Variants in BTNL9 observed in about 807,000 individuals in gnomAD.
BTNL9 encodes butyrophilin like 9.
A neutral mutation model predicts 45.8 loss-of-function variants in BTNL9; 45 were observed. The ratio of observed to expected loss-of-function variants is 0.98; its 90% CI spans 0.77 to 1.26. The LOEUF is 1.26. Ranked by LOEUF, BTNL9 falls within the 50% of genes most tolerant of loss-of-function variation. The probability of loss-of-function intolerance (pLI) is 0.00; values close to 1 mark genes in which losing one functional copy is unlikely to be tolerated. For missense variants in BTNL9, 784 were observed against 729.7 expected, an observed-to-expected ratio of 1.07 and a Z score of -0.86; for synonymous variants, 346 against 330.8, an observed-to-expected ratio of 1.05 and a Z score of -0.50.
intron 7 of BTNL9, 126 bp downstream of exon 7, chr5:181,054,385 T>A: frequency 6.6e-7 from 1 of 1,526,188 alleles, no homozygotes. Flanking sequence ...CCTGTGAGCC[T>A]CCACCTCTTC....
At chr5:181,048,338 G>C in intron 3 of BTNL9, 67 bp downstream of exon 3, 1 of 1,368,088 alleles carries the variant, frequency 7.3e-7, no homozygotes, top group South Asian at 1.3e-5. Context: ...AGTAGAGGTG[G>C]AGTCACAGAG....
In BTNL9 at chr5:181,048,272, G is replaced by A. The variant is rs771087135; in HGVS notation, c.454+1G>A. On this transcript the variant is annotated splice_donor_variant, in intron 3 of 10. Transcript: ENST00000327705. LOFTEE classifies it high-confidence loss of function. ...GCTCTCTGGGAACTGGAGGTAGCAG[G>A]TGCGTGGACTGACCTAAGGCCCTGC... 11 of 1,606,506 alleles carry A rather than the reference G, an allele frequency of 6.8e-6. No individual in the cohort carries two copies. Among genetic ancestry groups the A allele is most frequent in the Middle Eastern group, 1.7e-4 (1 of 6,046 alleles).
rs751806521 is a variant in BTNL9, at chr5:181,059,205, C to A, written c.983-32C>A. The A allele has an allele frequency of 2.0e-6, 3 of 1,487,596 alleles. 1 individual carries two copies. Among genetic ancestry groups the A allele is most frequent in the Middle Eastern group, 4.4e-4 (2 of 4,528 alleles). The allele number at this position is 1,487,596 out of a possible 1,614,324, so 92.1% of individuals were successfully genotyped here. ...GACACGGACGGGGCCCAGACCGTCC[C>A]GGGCGGGCACTAACGCTGTGGCTCT... On this transcript the variant is annotated intron_variant, in intron 10 of 10. Coordinates refer to ENST00000327705, the MANE Select transcript of BTNL9 (RefSeq NM_152547.5).
chr5:181,054,735 T>G, intron 7 of BTNL9: 1 of 983,884 alleles, frequency 1.0e-6, no homozygotes, highest in Non-Finnish European at 1.2e-6. Flanking sequence ...GAAAAGGCCA[T>G]CATGGTGTTG....
intron 1 of BTNL9, among the ~76,000 whole-genome samples, chr5:181,044,952 C>T (rs570163604): frequency 2.4e-4 from 36 of 152,342 alleles, no homozygotes; most frequent in African/African-American, 8.7e-4. Flanking sequence ...CCTGCATGCA[C>T]TCCACTTCTG....
At chr5:181,059,011 C>A in intron 10 of BTNL9, 2 of 318,984 alleles carry the variant, frequency 6.3e-6, no homozygotes, top group Non-Finnish European at 9.1e-6. Flanking sequence ...AGGGACCTTC[C>A]AGTTCAGGAA....
chr5:181,055,428 T>C lies in BTNL9; in HGVS notation c.908-5T>C. The C allele has an allele frequency of 6.2e-7, 1 of 1,614,138 alleles. No individual in the cohort carries two copies. Among genetic ancestry groups the C allele is most frequent in the Non-Finnish European group, 8.5e-7 (1 of 1,180,026 alleles). On this transcript the variant is annotated splice_polypyrimidine_tract_variant and splice_region_variant and intron_variant, in intron 7 of 10. Coordinates refer to ENST00000327705, the MANE Select transcript of BTNL9 (RefSeq NM_152547.5). The surrounding 1 kb of genome is among the most constrained non-coding windows in gnomAD (Gnocchi z 4.4). The stretch of plus-strand genomic sequence containing the variant: ...TGAAGTTTTCTTTGTGTGTTCTGCT[T>C]GCAGAAAAGCTTCAGACAGAGCTTG...
intron 2 of BTNL9, chr5:181,047,609 A>G (rs1761252632): frequency 2.7e-6 from 2 of 734,954 alleles, no homozygotes. Context: ...TTGATCAAAG[A>G]TTCCATTTCG....
At chr5:181,044,927 G>T (rs1761009866) in intron 1 of BTNL9, among the ~76,000 whole-genome samples, 1 of 152,232 alleles carries the variant, frequency 6.6e-6, no homozygotes, top group Non-Finnish European at 1.5e-5. Context: ...TGTCGTTGGG[G>T]CTGGCAGGCA....
At chr5:181,045,761 C>G (rs572444585) in intron 2 of BTNL9, among the ~76,000 whole-genome samples, 163 bp downstream of exon 2, 72 of 151,936 alleles carry the variant, frequency 4.7e-4, no homozygotes, top group African/African-American at 1.6e-3. Flanking sequence ...CGAGCATTAC[C>G]CAGCCTGTAG....
At chr5:181,056,843 A>G (rs1761908565) in intron 9 of BTNL9, 2 of 509,712 alleles carry the variant, frequency 3.9e-6, no homozygotes, top group South Asian at 2.7e-5. Flanking sequence ...GTGATGGCTC[A>G]TTGTTCTTTA....
Position 181,057,964 on chromosome 5 carries a change from G to A in BTNL9, c.956-388G>A, listed in dbSNP as rs570265959. Among the ~76,000 whole-genome samples the A allele has an allele frequency of 2.6e-5, 4 of 152,322 alleles. No homozygotes were observed. The South Asian group carries it at 6.2e-4, about 24-fold the overall frequency. On this transcript the variant is annotated intron_variant, in intron 9 of 10. Transcript: ENST00000327705. ...GCCAGGAAAAGACAGGACATCTGGA[G>A]GGCATCTTTGGGACCCGTCAGGCTC...
chr5:181,044,272 G>A (rs1043789778), intron 1 of BTNL9, among the ~76,000 whole-genome samples: 1 of 152,154 alleles, frequency 6.6e-6, no homozygotes, highest in Non-Finnish European at 1.5e-5. Flanking sequence ...TGATGGTGTT[G>A]CTGACAGTGT....
intron 6 of BTNL9, 103 bp from the exon 7 acceptor site, chr5:181,054,136 C>G: frequency 6.4e-7 from 1 of 1,573,540 alleles, no homozygotes; most frequent in East Asian, 2.3e-5. Context: ...AGTGCCGCAT[C>G]GGAGGTGAGG....
chr5:181,049,936 A>G lies in BTNL9; in HGVS notation c.455-152A>G. ...TGATTTAGACTGTCATTTCCCGTCC[A>G]TGGGCGGGGAGCGCCAAGCCCACAC... On this transcript the variant is annotated intron_variant, in intron 3 of 10. Coordinates refer to ENST00000327705, the MANE Select transcript of BTNL9 (RefSeq NM_152547.5). 3 of 958,010 alleles carry G rather than the reference A, an allele frequency of 3.1e-6. 1 individual carries two copies. Among genetic ancestry groups the G allele is most frequent in the Admixed American group, 5.4e-5 (2 of 37,294 alleles). The allele number at this position is 958,010 out of a possible 1,614,324, so 59.3% of individuals were successfully genotyped here. A position where few individuals can be genotyped will look rare whatever the true frequency, so the allele number is the denominator to read the frequency against.
intron 2 of BTNL9, among the ~76,000 whole-genome samples, chr5:181,046,431 G>C (rs908084258): frequency 6.6e-6 from 1 of 152,172 alleles, no homozygotes; most frequent in South Asian, 2.1e-4. Flanking sequence ...GCCTGTGTTT[G>C]TGCTGAACCC....
rs1232701198 is a variant in BTNL9, at chr5:181,059,464, G to T, written c.1210G>T (p.Ala404Ser). The change falls in exon 11 of 11, where the codon GCG (alanine) becomes TCG (serine). Residue 404 changes from alanine to serine, a missense_variant. Transcript: ENST00000327705. ...SRWFLGACLA[A>S]VPRAGPARLS... ...CTGGTTCCTGGGCGCCTGCCTGGCC[G>T]CGGTGCCGCGCGCGGGGCCTGCGCG... The T allele has an allele frequency of 6.9e-7, 1 of 1,442,996 alleles. No individual in the cohort carries two copies. Among genetic ancestry groups the T allele is most frequent in the Non-Finnish European group, 9.0e-7 (1 of 1,105,380 alleles). 89.4% of individuals were successfully genotyped at this position (1,442,996 alleles called of 1,614,324 possible).
In BTNL9 at chr5:181,059,551, C is replaced by G. The variant is rs780715061; in HGVS notation, c.1297C>G (p.Leu433Val). Residue 433 changes from leucine (L) to valine (V), a missense_variant, in exon 11 of 11, where the codon CTG becomes GTG. Physicochemically the swap from Leu to Val is conservative, Grantham distance 32. Transcript: ENST00000327705. ...GLWNGCEYFV[L>V]APHRVALTLR... is the part of the protein sequence containing the mutation. Reference sequence around the variant, plus strand: ...GTGGAACGGCTGCGAGTACTTCGTCCTGGCCCCGCACCGCGTCGCGCTCAC... The same window carrying G: ...GTGGAACGGCTGCGAGTACTTCGTCGTGGCCCCGCACCGCGTCGCGCTCAC... The G allele has an allele frequency of 6.2e-7, 1 of 1,610,434 alleles. No homozygotes were observed. Among genetic ancestry groups the G allele is most frequent in the Non-Finnish European group, 8.5e-7 (1 of 1,179,300 alleles).
At position 181,047,990 on chromosome 5, in the gene BTNL9, C is replaced by T. The variant is rs370700198; in HGVS notation, c.173C>T (p.Pro58Leu). The change falls in exon 3 of 11, where the codon CCG becomes CTG. Residue 58 changes from proline to leucine, a missense_variant. Coordinates refer to ENST00000327705, the MANE Select transcript of BTNL9 (RefSeq NM_152547.5). ...CTCGTCGGGGAGGAGGTGGAGTTCC[C>T]GTGCCACCTATGGCCACAGCTGGAT... ...LALVGEEVEFPCHLWPQLDAQ... is the reference protein window; with the variant it reads ...LALVGEEVEFLCHLWPQLDAQ... The T allele has an allele frequency of 1.5e-5, 25 of 1,613,680 alleles. No individual in the cohort carries two copies. The highest frequency in any genetic ancestry group is 2.2e-5 in the East Asian group (1 of 44,892).
Sources: allele counts gnomAD v4.1 joint callset (sites outside exome capture counted in the v4.1 genomes callset), GRCh38; gene constraint gnomAD v4.1.1; non-coding constraint Gnocchi (gnomAD v3.1); transcripts MANE v1.5; gene names NCBI Gene and HGNC (gene_info 2026-07-23, HGNC 2026-07-21).